Variants in YY1 observed in about 807,000 individuals in gnomAD.
YY1 encodes the protein transcriptional repressor protein YY1.
In YY1, 2 loss-of-function variants were observed where a neutral mutation model predicts 35.6. That is an observed-to-expected ratio of 0.06 (90% CI 0.02 to 0.18). The LOEUF (loss-of-function observed/expected upper bound fraction) is 0.18. Among genes scored for constraint, YY1 ranks in the 10% least tolerant of loss-of-function variants. The pLI, the probability that YY1 is intolerant of heterozygous loss-of-function variation, is 1.00. For synonymous variants in YY1, 268 were observed against 238.9 expected, an observed-to-expected ratio of 1.12 and a Z score of -1.12; for missense variants, 322 against 573.4, an observed-to-expected ratio of 0.56 and a Z score of 4.48.
In YY1 at chr14:100,239,201, G is replaced by C; in HGVS notation, c.-44G>C. The stretch of plus-strand genomic sequence containing the variant: ...CCTCCTCGCCCGCCCGCCCGCAGCC[G>C]AGGAGCCGAGGCCGCCGCGGCCGTG... On this transcript the variant is annotated 5_prime_UTR_variant, in exon 1 of 5. Coordinates refer to ENST00000262238, the MANE Select transcript of YY1 (RefSeq NM_003403.5). 1 of 1,380,610 alleles carries C rather than the reference G, an allele frequency of 7.2e-7. No individual in the cohort carries two copies. Among genetic ancestry groups the C allele is most frequent in the Middle Eastern group, 2.6e-4 (1 of 3,822 alleles). The allele number at this position is 1,380,610 out of a possible 1,614,324, so 85.5% of individuals were successfully genotyped here.
chr14:100,277,558 A>G lies in YY1; in HGVS notation c.1203A>G (p.Lys401=). 1 of 1,614,196 alleles carries G rather than the reference A, an allele frequency of 6.2e-7. No homozygotes were observed. The highest frequency in any genetic ancestry group is 1.1e-5 in the South Asian group (1 of 91,082). The change falls in exon 5 of 5, where the codon AAA becomes AAG. Residue 401 remains lysine (K), a synonymous_variant. Transcript: ENST00000262238. The surrounding 1 kb of genome is among the most constrained non-coding windows in gnomAD (Gnocchi z 5.6). ...NKKFAQSTNL[K]SHILTHAKAK... ...AGTTTGCTCAGTCAACTAACCTGAA[A>G]TCTCACATCTTAACACATGCTAAGG... is the stretch of plus-strand genomic sequence containing the variant.
At chr14:100,247,275 G>A (rs1566769963) in intron 1 of YY1, among the ~76,000 whole-genome samples, 2 of 151,976 alleles carry the variant, frequency 1.3e-5, no homozygotes, top group Admixed American at 6.6e-5. Flanking sequence ...CTTAGTATTT[G>A]CATTCTTTTA....
chr14:100,262,119 C>T lies in YY1; in HGVS notation c.680-185C>T, dbSNP rs1203222866. Among the ~76,000 whole-genome samples, 3 of 151,632 alleles carry T rather than the reference C, an allele frequency of 2.0e-5. No homozygotes were observed. The South Asian group carries it at 6.3e-4, about 32-fold the overall frequency. On this transcript the variant is annotated intron_variant, in intron 1 of 4. Coordinates refer to ENST00000262238, the MANE Select transcript of YY1 (RefSeq NM_003403.5). ...AGCCGTGATTGTGATTGGGCCACTG[C>T]ACCACTGCACTCCAGCCTGGGTGAC...
intron 1 of YY1, among the ~76,000 whole-genome samples, chr14:100,262,056 G>T (rs530440299): frequency 1.3e-3 from 197 of 152,214 alleles, no homozygotes; most frequent in African/African-American, 4.7e-3. Context: ...AGGCTGAGGT[G>T]GGGGGATTGC....
chr14:100,239,994 G>GA, intron 1 of YY1, 71 bp downstream of exon 1: 1 of 1,412,548 alleles, frequency 7.1e-7, no homozygotes, highest in East Asian at 3.0e-5. Flanking sequence ...TTATGTGTGT[G>GA]ATGGGCGCCG....
intron 1 of YY1, among the ~76,000 whole-genome samples, chr14:100,242,378 G>GT (rs57406488): frequency 1.3e-4 from 14 of 109,962 alleles, no homozygotes; most frequent in South Asian, 3.2e-4. Context: ...TTTGTTTTTT[G>GT]TTTTTTTTTT....
chr14:100,275,254 A>G (rs979181365), intron 3 of YY1, among the ~76,000 whole-genome samples: 2 of 152,212 alleles, frequency 1.3e-5, no homozygotes, highest in African/African-American at 4.8e-5. Context: ...GTTGGGGGCT[A>G]TTTTCAAACT....
chr14:100,276,496 A>G lies in YY1; in HGVS notation c.910A>G (p.Thr304Ala). 6.2e-7 allele frequency: 1 copy of G among 1,614,132 alleles called. No individual in the cohort carries two copies. The highest frequency in any genetic ancestry group is 2.2e-5 in the East Asian group (1 of 44,902). Residue 304 changes from threonine (T) to alanine (A), a missense_variant, in exon 4 of 5, where the codon ACA (threonine) becomes GCA (alanine). Transcript: ENST00000262238. This position sits in a 1 kb window ranked among gnomAD's most constrained non-coding sequence, Gnocchi z 4.1. The part of the protein sequence containing the change: ...RTIACPHKGC[T>A]KMFRDNSAMR... ...CTGCTTTCTCTGTTTTAAGGGCTGC[A>G]CAAAGATGTTCAGGGATAACTCGGC...
intron 1 of YY1, among the ~76,000 whole-genome samples, chr14:100,256,164 G>T (rs941713438): frequency 1.3e-5 from 2 of 151,636 alleles, no homozygotes; most frequent in African/African-American, 4.8e-5. Context: ...ACATCTATAT[G>T]CCAGTGATTC....
chr14:100,262,173 AAGGG>A, intron 1 of YY1, 127 bp from the exon 2 acceptor site: 2 of 965,758 alleles, frequency 2.1e-6, no homozygotes. Flanking sequence ...AAAAAAAAAA[AAGGG>A]AGAGGGGAGA....
rs994881756 is a variant in YY1 at position 100,240,118 on chromosome 14, G to A, written c.679+195G>A. ...GCCGCGAAGATGGCGGCAGGCCGCG[G>A]GGGGGAGGGGCCGGCGCCGCCCGGC... On this transcript the variant is annotated intron_variant, in intron 1 of 4. Transcript: ENST00000262238. Among the ~76,000 whole-genome samples, 3 of 146,296 alleles carry A rather than the reference G, an allele frequency of 2.1e-5. No individual in the cohort carries two copies. The East Asian group carries it at 5.9e-4, about 29-fold the overall frequency.
chr14:100,263,620 G>A (rs532295386), intron 2 of YY1, among the ~76,000 whole-genome samples: 1 of 152,194 alleles, frequency 6.6e-6, no homozygotes, highest in Admixed American at 6.5e-5. Context: ...CATACCTGAG[G>A]TTGGTTGGAA....
chr14:100,247,446 ATC>A, intron 1 of YY1, among the ~76,000 whole-genome samples: 1 of 151,476 alleles, frequency 6.6e-6, no homozygotes, highest in Admixed American at 6.6e-5. Flanking sequence ...CAGTGGCACA[ATC>A]TCAGCTCATT....
At chr14:100,268,691 CTTTA>C (rs1391914651) in intron 2 of YY1, among the ~76,000 whole-genome samples, 1 of 152,150 alleles carries the variant, frequency 6.6e-6, no homozygotes, top group Non-Finnish European at 1.5e-5. Context: ...ATTGAACAAA[CTTTA>C]TTTGTCTAAG....
intron 1 of YY1, among the ~76,000 whole-genome samples, chr14:100,244,659 G>T (rs768546986): frequency 1.4e-5 from 2 of 142,116 alleles, no homozygotes. Context: ...CACGGCTCAC[G>T]GCAGCCTCAA....
At chr14:100,253,309 C>A (rs1054779682) in intron 1 of YY1, among the ~76,000 whole-genome samples, 2 of 152,190 alleles carry the variant, frequency 1.3e-5, no homozygotes, top group East Asian at 3.8e-4. Context: ...ATTTGACATT[C>A]AAAGTGGATC....
chr14:100,243,995 C>T (rs1166093139), intron 1 of YY1, among the ~76,000 whole-genome samples: 1 of 151,688 alleles, frequency 6.6e-6, no homozygotes, highest in African/African-American at 2.4e-5. Context: ...GTAGTGCCAG[C>T]TACTCAGGAG....
rs149272035 is a variant in YY1, at chr14:100,261,585, C to G, written c.680-719C>G. 1.1e-4 allele frequency among the ~76,000 whole-genome samples: 17 copies of G among 152,312 alleles called. No individual in the cohort carries two copies. The East Asian group carries it at 2.7e-3, about 24-fold the overall frequency. ...ACTGACCAACCTCCATGTCCATATG[C>G]AGCTTACAGTCTAGTGGGAGGATGA... On this transcript the variant is annotated intron_variant, in intron 1 of 4. Transcript: ENST00000262238.
In YY1 at chr14:100,277,230, C is replaced by T; in HGVS notation, c.1063-188C>T. The T allele has an allele frequency of 1.4e-6, 1 of 712,104 alleles. No individual in the cohort carries two copies. The highest frequency in any genetic ancestry group is 2.4e-6 in the Non-Finnish European group (1 of 411,710). 44.1% of individuals were successfully genotyped at this position (712,104 alleles called of 1,614,324 possible). A position where few individuals can be genotyped will look rare whatever the true frequency, so the allele number is the denominator to read the frequency against. On this transcript the variant is annotated intron_variant, in intron 4 of 4. Coordinates refer to ENST00000262238, the MANE Select transcript of YY1 (RefSeq NM_003403.5). The surrounding 1 kb of genome is among the most constrained non-coding windows in gnomAD (Gnocchi z 5.6). ...GTTTTAAACAGTTCGTGAGGGCTCTCCTTGGGTTTTCGGGGTTGTCCAACC... is the reference window on the plus strand; with the variant it reads ...GTTTTAAACAGTTCGTGAGGGCTCTTCTTGGGTTTTCGGGGTTGTCCAACC...
Sources: allele counts gnomAD v4.1 joint callset (sites outside exome capture counted in the v4.1 genomes callset), GRCh38; gene constraint gnomAD v4.1.1; non-coding constraint Gnocchi (gnomAD v3.1); transcripts MANE v1.5; gene names NCBI Gene and HGNC (gene_info 2026-07-23, HGNC 2026-07-21).